KCND2: variants seen among roughly 807,000 people sequenced by gnomAD.
The protein encoded by KCND2 is potassium voltage-gated channel subfamily D member 2.
A neutral mutation model predicts 54.4 loss-of-function variants in KCND2; 16 were observed. The ratio of observed to expected loss-of-function variants is 0.29; its 90% CI spans 0.20 to 0.45. The LOEUF (loss-of-function observed/expected upper bound fraction) is 0.45. Among genes scored for constraint, KCND2 ranks in the 20% least tolerant of loss-of-function variants. The pLI is 1.00. For synonymous variants in KCND2, 317 were observed against 310.7 expected (o/e 1.02, Z -0.21); for missense variants, 486 against 824.2 (o/e 0.59, Z 5.02).
At chr7:120,647,751 A>G (rs75093739) in intron 1 of KCND2, among the ~76,000 whole-genome samples, 5,235 of 152,322 alleles carry the variant, frequency 0.034, 213 homozygotes, top group African/African-American at 0.1. Flanking sequence ...ATTAGTTTTA[A>G]CATTCAACTC....
intron 1 of KCND2, among the ~76,000 whole-genome samples, chr7:120,365,616 G>A (rs1584748722): frequency 1.3e-5 from 2 of 152,098 alleles, no homozygotes; most frequent in East Asian, 3.9e-4. Flanking sequence ...CAGAGGTGCT[G>A]GACCTATGGG....
chr7:120,677,196 G>C (rs1262086081), intron 1 of KCND2, among the ~76,000 whole-genome samples: 1 of 152,114 alleles, frequency 6.6e-6, no homozygotes, highest in Non-Finnish European at 1.5e-5. Flanking sequence ...GGACCTGCTA[G>C]AATTTAGAGA....
At chr7:120,701,339 A>G (rs960330838) in intron 1 of KCND2, among the ~76,000 whole-genome samples, 4 of 151,274 alleles carry the variant, frequency 2.6e-5, no homozygotes, top group African/African-American at 9.7e-5. Flanking sequence ...GTAAATAGCA[A>G]TTTCCACCAT....
chr7:120,306,408 A>G (rs748968630), intron 1 of KCND2, among the ~76,000 whole-genome samples: 49 of 152,112 alleles, frequency 3.2e-4, no homozygotes, highest in Non-Finnish European at 5.0e-4. Flanking sequence ...AAAACAATTC[A>G]ATAATGAATT....
rs151325373 is a variant in KCND2, at chr7:120,423,017, G to T, written c.1115+147270G>T. Among the ~76,000 whole-genome samples, 23 of 152,308 alleles carry T rather than the reference G, an allele frequency of 1.5e-4. No individual in the cohort carries two copies. The East Asian group carries it at 4.3e-3, about 28-fold the overall frequency. On this transcript the variant is annotated intron_variant, in intron 1 of 5. Coordinates refer to ENST00000331113, the MANE Select transcript of KCND2 (RefSeq NM_012281.3). Reference sequence around the variant, plus strand: ...CTGCTATATAGTGTCACTGCCTGCTGAATATGGGACTTCTCTCAGCAGCTC... The same window carrying T: ...CTGCTATATAGTGTCACTGCCTGCTTAATATGGGACTTCTCTCAGCAGCTC...
chr7:120,644,381 G>A (rs955311390), intron 1 of KCND2, among the ~76,000 whole-genome samples: 1 of 152,120 alleles, frequency 6.6e-6, no homozygotes, highest in Non-Finnish European at 1.5e-5. Flanking sequence ...ATCTAGAAAG[G>A]TAGAAGCTAT....
rs761430149 is a variant in KCND2 at position 120,274,645 on chromosome 7, G to A, written c.13G>A (p.Val5Met). Residue 5 changes from valine to methionine, a missense_variant, in exon 1 of 6, where the codon GTG (valine) becomes ATG (methionine). Transcript: ENST00000331113. MAAG[V>M]AAWLPFARAA... ...GCTTCAAGTAATCATGGCGGCGGGG[G>A]TGGCAGCGTGGCTGCCTTTTGCAAG... is the stretch of plus-strand genomic sequence containing the variant. 2.5e-6 allele frequency: 4 copies of A among 1,613,950 alleles called. No homozygotes were observed. In the African/African-American group the frequency reaches 5.3e-5, roughly 22 times the overall value.
At chr7:120,594,245 A>G (rs1792706290) in intron 1 of KCND2, among the ~76,000 whole-genome samples, 2 of 152,226 alleles carry the variant, frequency 1.3e-5, no homozygotes, top group African/African-American at 4.8e-5. Context: ...CAGTAAAGGC[A>G]CACACTGAAC....
chr7:120,279,163 A>C (rs1584708608), intron 1 of KCND2, among the ~76,000 whole-genome samples: 1 of 152,012 alleles, frequency 6.6e-6, no homozygotes, highest in Non-Finnish European at 1.5e-5. Context: ...CAATAATCAA[A>C]AACTATTTTG....
rs138711852 is a variant in KCND2, at chr7:120,375,788, G to A, written c.1115+100041G>A. On this transcript the variant is annotated intron_variant, in intron 1 of 5. Transcript: ENST00000331113. ...TGTAATGATTATGATATTACTCCTC[G>A]ACGTTATAAAATAACTACTTTCTGC... Among the ~76,000 whole-genome samples, 673 of 151,718 alleles carry A rather than the reference G, an allele frequency of 4.4e-3. 6 individuals carry two copies. The highest frequency in any genetic ancestry group is 0.015 in the African/African-American group (631 of 41,434).
intron 1 of KCND2, among the ~76,000 whole-genome samples, chr7:120,670,190 G>A (rs1008320183): frequency 5.9e-5 from 9 of 152,140 alleles, no homozygotes; most frequent in South Asian, 2.1e-4. Context: ...TGGTAAGACT[G>A]CATTTTGGCT....
chr7:120,468,301 T>C (rs1392775108), intron 1 of KCND2, among the ~76,000 whole-genome samples: 2 of 152,152 alleles, frequency 1.3e-5, no homozygotes, highest in African/African-American at 4.8e-5. Context: ...GAAAAAGAAT[T>C]AGTAATTTAT....
At chr7:120,289,077 CAGAGAGAGAG>C (rs112703117) in intron 1 of KCND2, among the ~76,000 whole-genome samples, 2 of 20,954 alleles carry the variant, frequency 9.5e-5, no homozygotes, top group Admixed American at 1.0e-3. Flanking sequence ...CACACACACA[CAGAGAGAGAG>C]AGAGAGACTA....
At chr7:120,356,143 C>T (rs1440877517) in intron 1 of KCND2, among the ~76,000 whole-genome samples, 1 of 151,944 alleles carries the variant, frequency 6.6e-6, no homozygotes, top group African/African-American at 2.4e-5. Context: ...TATGTGTTAA[C>T]CTTGAATTGA....
intron 1 of KCND2, among the ~76,000 whole-genome samples, chr7:120,447,541 C>G (rs1391548476): frequency 6.6e-6 from 1 of 152,040 alleles, no homozygotes; most frequent in Non-Finnish European, 1.5e-5. Flanking sequence ...CATTTTTAAG[C>G]ATCTGAACCA....
At chr7:120,515,365 A>G (rs1803181315) in intron 1 of KCND2, among the ~76,000 whole-genome samples, 1 of 152,114 alleles carries the variant, frequency 6.6e-6, no homozygotes, top group South Asian at 2.1e-4. Context: ...GGGCAGAAAA[A>G]CAGAATCCAC....
chr7:120,549,703 G>A (rs1470587861), intron 1 of KCND2, among the ~76,000 whole-genome samples: 1 of 152,116 alleles, frequency 6.6e-6, no homozygotes, highest in Non-Finnish European at 1.5e-5. Flanking sequence ...CTGTTTTTCA[G>A]TTCATGCTGA....
At chr7:120,538,388 T>C (rs1791937829) in intron 1 of KCND2, among the ~76,000 whole-genome samples, 1 of 152,202 alleles carries the variant, frequency 6.6e-6, no homozygotes, top group Non-Finnish European at 1.5e-5. Context: ...AAATTTATAA[T>C]GTCACATAGA....
rs114557566 is a variant in KCND2 at position 120,281,747 on chromosome 7, A to G, written c.1115+6000A>G. Among the ~76,000 whole-genome samples the G allele has an allele frequency of 8.7e-3, 1,319 of 152,260 alleles. 13 individuals are homozygous for G. Among genetic ancestry groups the G allele is most frequent in the African/African-American group, 0.029 (1,195 of 41,568 alleles). The stretch of plus-strand genomic sequence containing the variant: ...GGTGCTCAAATGTAGGAAAATATCT[A>G]TGTTAATGTGTTGCTGATCATGGTG... On this transcript the variant is annotated intron_variant, in intron 1 of 5. Transcript: ENST00000331113.
Sources: allele counts gnomAD v4.1 joint callset (sites outside exome capture counted in the v4.1 genomes callset), GRCh38; gene constraint gnomAD v4.1.1; transcripts MANE v1.5; gene names NCBI Gene and HGNC (gene_info 2026-07-23, HGNC 2026-07-21).